The following PPP2R2A variants were observed in gnomAD, a reference collection of about 807,000 sequenced individuals.
PPP2R2A encodes serine/threonine-protein phosphatase 2A 55 kDa regulatory subunit B alpha isoform.
A neutral mutation model predicts 53.2 loss-of-function variants in PPP2R2A; 9 were observed. That is an observed-to-expected ratio of 0.17 (90% CI 0.10 to 0.30). The LOEUF (loss-of-function observed/expected upper bound fraction) is 0.30. Ranked by LOEUF, PPP2R2A falls within the 10% of genes least tolerant of loss-of-function variation. PPP2R2A has a pLI of 1.00. For synonymous variants in PPP2R2A, 169 were observed against 174.2 expected (o/e 0.97, Z 0.23); for missense variants, 235 against 534.6 (o/e 0.44, Z 5.53).
At chr8:26,306,254 T>C (rs1165806408) in intron 2 of PPP2R2A, among the ~76,000 whole-genome samples, 1 of 151,240 alleles carries the variant, frequency 6.6e-6, no homozygotes, top group African/African-American at 2.4e-5. Flanking sequence ...GGTGGGTGGA[T>C]TGCTTGAGGT....
intron 2 of PPP2R2A, among the ~76,000 whole-genome samples, chr8:26,317,636 A>G (rs1201641547): frequency 6.6e-6 from 1 of 152,248 alleles, no homozygotes; most frequent in Admixed American, 6.5e-5. Context: ...AAAAATTAGT[A>G]GCACTTCCCA....
intron 6 of PPP2R2A, among the ~76,000 whole-genome samples, chr8:26,361,675 T>C (rs970129157): frequency 6.6e-6 from 1 of 152,166 alleles, no homozygotes; most frequent in Admixed American, 6.6e-5. Context: ...GTAAAAATAG[T>C]CTCACCTGGC....
intron 2 of PPP2R2A, among the ~76,000 whole-genome samples, chr8:26,335,058 C>T (rs935931462): frequency 6.6e-6 from 1 of 152,156 alleles, no homozygotes; most frequent in African/African-American, 2.4e-5. Flanking sequence ...ACAACTAGGG[C>T]TTACCGATCT....
intron 3 of PPP2R2A, among the ~76,000 whole-genome samples, chr8:26,349,562 C>T (rs993421402): frequency 4.6e-5 from 7 of 152,096 alleles, no homozygotes; most frequent in African/African-American, 1.7e-4. Flanking sequence ...GGAATCTCCA[C>T]GTTGTTTTCC....
At chr8:26,326,474 A>G (rs1412686957) in intron 2 of PPP2R2A, among the ~76,000 whole-genome samples, 4 of 152,242 alleles carry the variant, frequency 2.6e-5, no homozygotes, top group African/African-American at 7.2e-5. Context: ...TGGGTGAACT[A>G]GAACAATTCT....
At chr8:26,308,253 G>A (rs988740023) in intron 2 of PPP2R2A, among the ~76,000 whole-genome samples, 4 of 152,220 alleles carry the variant, frequency 2.6e-5, no homozygotes, top group Non-Finnish European at 4.4e-5. Flanking sequence ...GGTGTTTGCC[G>A]AAGGTTGGAG....
intron 2 of PPP2R2A, among the ~76,000 whole-genome samples, chr8:26,315,930 C>T (rs1230154764): frequency 6.6e-6 from 1 of 152,116 alleles, no homozygotes; most frequent in East Asian, 1.9e-4. Context: ...TAATCACTTT[C>T]TATGCAATAG....
intron 2 of PPP2R2A, among the ~76,000 whole-genome samples, chr8:26,309,230 A>G (rs1031331530): frequency 6.6e-6 from 1 of 152,224 alleles, no homozygotes; most frequent in Non-Finnish European, 1.5e-5. Context: ...GGGCTACAGA[A>G]TGAATATTGT....
chr8:26,352,414 A>G (rs1188311419), intron 3 of PPP2R2A, among the ~76,000 whole-genome samples: 1 of 152,046 alleles, frequency 6.6e-6, no homozygotes, highest in African/African-American at 2.4e-5. Flanking sequence ...ACTTGTACCC[A>G]TCTGTTTTAT....
chr8:26,323,133 A>G (rs1802925538), intron 2 of PPP2R2A, among the ~76,000 whole-genome samples: 1 of 152,138 alleles, frequency 6.6e-6, no homozygotes, highest in Non-Finnish European at 1.5e-5. Flanking sequence ...CTTTATCTAT[A>G]CTTATTCACT....
intron 2 of PPP2R2A, among the ~76,000 whole-genome samples, chr8:26,318,824 T>A (rs1036217203): frequency 2.6e-5 from 4 of 152,206 alleles, no homozygotes; most frequent in African/African-American, 9.6e-5. Context: ...TTGCCATGCC[T>A]TGGGACTTTT....
Position 26,370,472 on chromosome 8 carries a change from C to A in PPP2R2A, c.*59C>A. 6.4e-7 allele frequency: 1 copy of A among 1,560,078 alleles called. No homozygotes were observed. The highest frequency in any genetic ancestry group is 8.8e-7 in the Non-Finnish European group (1 of 1,141,802). Reference sequence around the variant, plus strand: ...GCTTAGTTGAGATAGTTGAATCTAGCATTCGTTCCTATAAAAGAGAGAGGT... The same window carrying A: ...GCTTAGTTGAGATAGTTGAATCTAGAATTCGTTCCTATAAAAGAGAGAGGT... On this transcript the variant is annotated 3_prime_UTR_variant, in exon 10 of 10. Coordinates refer to ENST00000380737, the MANE Select transcript of PPP2R2A (RefSeq NM_002717.4). This position sits in a 1 kb window ranked among gnomAD's most constrained non-coding sequence, Gnocchi z 6.1.
chr8:26,293,707 G>A lies in PPP2R2A; in HGVS notation c.49G>A (p.Val17Met). The change falls in exon 2 of 10, where the codon GTG (valine) becomes ATG (methionine). Residue 17 changes from valine (V) to methionine (M), a missense_variant. By Grantham distance (21) the Val-to-Met change is conservative (BLOSUM62 1). This residue lies in a region of PPP2R2A where 51 missense variants were observed against 80.6 expected (regional missense o/e 0.63). Transcript: ENST00000380737. ...GNDIQWCFSQVKGAVDDDVAE... is the reference protein window; with the variant it reads ...GNDIQWCFSQMKGAVDDDVAE... ...TGATATTCAGTGGTGTTTTTCTCAG[G>A]TGAAAGGAGCAGTAGATGATGATGT... is the stretch of plus-strand genomic sequence containing the variant. The A allele has an allele frequency of 5.0e-6, 8 of 1,613,526 alleles. No individual in the cohort carries two copies. The highest frequency in any genetic ancestry group is 1.1e-5 in the South Asian group (1 of 91,000).
rs937272464 is a variant in PPP2R2A, at chr8:26,362,431, G to C, written c.638-253G>C. ...GATGCAGTAGAATCGCTTGAACCTG[G>C]GAGTCGGAGGCTGCAGTGAGCCGAG... is the stretch of plus-strand genomic sequence containing the variant. On this transcript the variant is annotated intron_variant, in intron 6 of 9. Coordinates refer to ENST00000380737, the MANE Select transcript of PPP2R2A (RefSeq NM_002717.4). The surrounding 1 kb of genome is among the most constrained non-coding windows in gnomAD (Gnocchi z 4.4). Among the ~76,000 whole-genome samples, 4 of 152,006 alleles carry C rather than the reference G, an allele frequency of 2.6e-5. No homozygotes were observed. The highest frequency in any genetic ancestry group is 9.7e-5 in the African/African-American group (4 of 41,370).
chr8:26,358,716 A>G (rs1804921238), intron 4 of PPP2R2A, among the ~76,000 whole-genome samples: 1 of 152,194 alleles, frequency 6.6e-6, no homozygotes, highest in African/African-American at 2.4e-5. Context: ...TTAGGAATGT[A>G]TGCTTTTCTA....
intron 2 of PPP2R2A, among the ~76,000 whole-genome samples, chr8:26,333,118 G>A (rs1803469141): frequency 6.6e-6 from 1 of 152,224 alleles, no homozygotes; most frequent in Non-Finnish European, 1.5e-5. Context: ...GCATTAGTTT[G>A]ATATGACTTT....
intron 3 of PPP2R2A, among the ~76,000 whole-genome samples, chr8:26,353,611 G>A (rs1316130310): frequency 2.6e-5 from 4 of 151,990 alleles, no homozygotes; most frequent in Admixed American, 6.5e-5. Flanking sequence ...GTTTTTAATC[G>A]TGTGATAATA....
chr8:26,334,688 G>A (rs748420971), intron 2 of PPP2R2A, among the ~76,000 whole-genome samples: 3 of 151,878 alleles, frequency 2.0e-5, no homozygotes, highest in Non-Finnish European at 4.4e-5. Flanking sequence ...GAGGTTGCAG[G>A]GAGCCGAGAT....
intron 2 of PPP2R2A, among the ~76,000 whole-genome samples, chr8:26,325,680 T>C (rs544627394): frequency 3.3e-5 from 5 of 152,338 alleles, no homozygotes; most frequent in Non-Finnish European, 5.9e-5. Context: ...TTTGGAAATG[T>C]ATCTTAAAGT....
Sources: allele counts gnomAD v4.1 joint callset (sites outside exome capture counted in the v4.1 genomes callset), GRCh38; gene constraint gnomAD v4.1.1; regional missense constraint gnomAD v4.1.1; non-coding constraint Gnocchi (gnomAD v3.1); transcripts MANE v1.5; gene names NCBI Gene and HGNC (gene_info 2026-07-23, HGNC 2026-07-21).